Variants in ZSCAN25 observed in about 807,000 individuals in gnomAD.
The protein encoded by ZSCAN25 is zinc finger and SCAN domain containing 25.
A neutral mutation model predicts 38.7 loss-of-function variants in ZSCAN25; 27 were observed. The ratio of observed to expected loss-of-function variants is 0.70; its 90% CI spans 0.51 to 0.96. The LOEUF is 0.96. ZSCAN25 is among the 40% of genes least tolerant of loss of function. ZSCAN25 has a pLI of 0.00. For synonymous variants in ZSCAN25, 273 were observed against 277.7 expected (o/e 0.98, Z 0.17); for missense variants, 637 against 705.9 (o/e 0.90, Z 1.11).
the ZSCAN25 span, chr7:99,674,619 A>G: frequency 4.4e-6 from 7 of 1,581,974 alleles, no homozygotes; most frequent in African/African-American, 1.3e-5. Flanking sequence ...GTTGATTATT[A>G]TTTTAAATAG....
chr7:99,637,886 A>C, the ZSCAN25 span, among the ~76,000 whole-genome samples: 6 of 152,224 alleles, frequency 3.9e-5, no homozygotes, highest in Non-Finnish European at 5.9e-5. Flanking sequence ...ACAAAAAAGG[A>C]AAAAAGCATA....
At chr7:99,672,673 A>G in the ZSCAN25 span, 5 of 1,614,098 alleles carry the variant, frequency 3.1e-6, no homozygotes, top group Non-Finnish European at 4.2e-6. Context: ...GTTGACCTTC[A>G]TACGTTCTGT....
At chr7:99,715,943 C>G in the ZSCAN25 span, 14 of 1,612,810 alleles carry the variant, frequency 8.7e-6, no homozygotes, top group Non-Finnish European at 1.2e-5. Context: ...AAAATCAGCA[C>G]CTCTTTACCA....
intron 7 of ZSCAN25, among the ~76,000 whole-genome samples, chr7:99,627,518 G>A (rs1807580790): frequency 6.6e-6 from 1 of 152,012 alleles, no homozygotes; most frequent in African/African-American, 2.4e-5. Context: ...ATAAACTACA[G>A]CTTCACACCA....
Position 99,630,076 on chromosome 7 carries a change from G to A in ZSCAN25, c.*56G>A, listed in dbSNP as rs1401298747. ...CATCTTTCTCACTGCAGGGCCTTGC[G>A]GGGTGCAAGGTGATGGCTGCAGGAA... is the stretch of plus-strand genomic sequence containing the variant. On this transcript the variant is annotated 3_prime_UTR_variant, in exon 8 of 8. Transcript: ENST00000394152. 8 of 1,458,992 alleles carry A rather than the reference G, an allele frequency of 5.5e-6. No homozygotes were observed. In the Admixed American group the frequency reaches 1.1e-4, roughly 20 times the overall value. 90.4% of individuals were successfully genotyped at this position (1,458,992 alleles called of 1,614,324 possible). A position where few individuals can be genotyped will look rare whatever the true frequency, so the allele number is the denominator to read the frequency against.
At chr7:99,695,668 G>A in the ZSCAN25 span, 1 of 1,223,140 alleles carries the variant, frequency 8.2e-7, no homozygotes, top group Non-Finnish European at 1.2e-6. Flanking sequence ...TCCTCCTGAG[G>A]AGAAGCAGTT....
At chr7:99,705,348 G>T in the ZSCAN25 span, 1 of 835,042 alleles carries the variant, frequency 1.2e-6, no homozygotes, top group Non-Finnish European at 1.9e-6. Flanking sequence ...CCATGAGAGA[G>T]CACAATGCAC....
chr7:99,707,893 C>G, the ZSCAN25 span: 2 of 1,613,916 alleles, frequency 1.2e-6, no homozygotes, highest in Non-Finnish European at 1.7e-6. Flanking sequence ...GAGCAAACCT[C>G]ATGCCAATGC....
At chr7:99,715,576 G>A in the ZSCAN25 span, 2 of 1,081,026 alleles carry the variant, frequency 1.9e-6, no homozygotes, top group Non-Finnish European at 1.3e-6. Flanking sequence ...ACATGTATGA[G>A]GTTTCTAGAA....
the ZSCAN25 span, chr7:99,672,761 T>C: frequency 6.2e-7 from 1 of 1,601,994 alleles, no homozygotes. Context: ...CAGACTTTGA[T>C]CATTATGTTA....
At chr7:99,636,507 C>T (rs1163106011), downstream of ZSCAN25, among the ~76,000 whole-genome samples, 1 of 152,172 alleles carries the variant, frequency 6.6e-6, no homozygotes, top group Non-Finnish European at 1.5e-5. Flanking sequence ...TACAATATGG[C>T]CAAAGCGTGA....
chr7:99,708,997 C>G, the ZSCAN25 span: 2 of 1,611,408 alleles, frequency 1.2e-6, no homozygotes, highest in Non-Finnish European at 1.7e-6. Context: ...TTGAACCAGG[C>G]TGGTTCAGGG....
chr7:99,694,585 T>G, the ZSCAN25 span, among the ~76,000 whole-genome samples: 1 of 152,058 alleles, frequency 6.6e-6, no homozygotes, highest in Non-Finnish European at 1.5e-5. Context: ...ATGTTTATCT[T>G]GGGGGGTACA....
At chr7:99,648,047 A>G in the ZSCAN25 span, 2 of 1,091,956 alleles carry the variant, frequency 1.8e-6, no homozygotes, top group Middle Eastern at 4.0e-4. Flanking sequence ...AGAGGTGGGT[A>G]GAGGTAGTCC....
At chr7:99,676,448 C>A in the ZSCAN25 span, 1 of 1,453,896 alleles carries the variant, frequency 6.9e-7, no homozygotes, top group South Asian at 1.1e-5. Context: ...TAGTCCCAAT[C>A]CTGGAGTGAA....
chr7:99,715,713 A>T, the ZSCAN25 span: 6 of 1,613,002 alleles, frequency 3.7e-6, no homozygotes, highest in Non-Finnish European at 5.1e-6. Flanking sequence ...TAAAGCAGTT[A>T]TTTTTAAGAG....
intron 7 of ZSCAN25, among the ~76,000 whole-genome samples, chr7:99,624,753 A>C (rs1807321490): frequency 6.6e-6 from 1 of 151,892 alleles, no homozygotes; most frequent in African/African-American, 2.4e-5. Context: ...GCCTGGGGGG[A>C]TGCGGCCATT....
In ZSCAN25 at chr7:99,631,981, C is replaced by A; in HGVS notation, c.*1961C>A. The A allele has an allele frequency of 3.0e-6, 3 of 985,448 alleles. No individual in the cohort carries two copies. In the South Asian group the frequency reaches 1.4e-4, roughly 46 times the overall value. The allele number at this position is 985,448 out of a possible 1,614,324, so 61.0% of individuals were successfully genotyped here. ...AGGCTTCTGGCCTGAGTGTGGCCTT[C>A]CCCAGAGGGTGGTTTTCCAAAGGCA... On this transcript the variant is annotated 3_prime_UTR_variant, in exon 8 of 8. Coordinates refer to ENST00000394152, the MANE Select transcript of ZSCAN25 (RefSeq NM_145115.3).
At chr7:99,636,394 T>C (rs1296578266), downstream of ZSCAN25, among the ~76,000 whole-genome samples, 1 of 152,246 alleles carries the variant, frequency 6.6e-6, no homozygotes, top group Non-Finnish European at 1.5e-5. Context: ...AATAACCTTT[T>C]GCATCTGCTT....
Sources: gnomAD v4.1 joint callset for allele counts (sites outside exome capture counted in the v4.1 genomes callset) on GRCh38, gnomAD v4.1.1 for gene constraint, MANE v1.5 for transcripts, NCBI Gene and HGNC (gene_info 2026-07-23, HGNC 2026-07-21) for gene names.